Variants in TMEM63C observed in about 807,000 individuals in gnomAD.
TMEM63C encodes transmembrane protein 63C.
TMEM63C carries 32 observed loss-of-function variants against 99.2 expected under a neutral mutation model. The ratio of observed to expected loss-of-function variants is 0.32; its 90% CI spans 0.24 to 0.43. The LOEUF (loss-of-function observed/expected upper bound fraction) is 0.43, where lower values mean the gene tolerates loss of function less well. TMEM63C is among the 20% of genes least tolerant of loss of function. The probability of loss-of-function intolerance (pLI) is 1.00; values close to 1 mark genes in which losing one functional copy is unlikely to be tolerated. For missense variants in TMEM63C, 826 were observed against 1,053.0 expected, an observed-to-expected ratio of 0.78 and a Z score of 2.98; for synonymous variants, 376 against 397.9, an observed-to-expected ratio of 0.94 and a Z score of 0.66.
rs1170210360 is a variant in TMEM63C, at chr14:77,248,847, C to T, written c.1845C>T (p.Ile615=). Residue 615 remains isoleucine (I), a synonymous_variant, in exon 20 of 24, where the codon ATC becomes ATT. Coordinates refer to ENST00000298351, the MANE Select transcript of TMEM63C (RefSeq NM_020431.4). ...NVFSVVMAYS[I]TCPIIVPFGL... ...TCAGCGTGGTGATGGCGTACAGCAT[C>T]ACTTGCCCCATCATTGTGCCTTTTG... The T allele has an allele frequency of 1.7e-5, 28 of 1,613,924 alleles. No individual in the cohort carries two copies. Among genetic ancestry groups the T allele is most frequent in the African/African-American group, 2.7e-5 (2 of 74,934 alleles).
intron 1 of TMEM63C, among the ~76,000 whole-genome samples, chr14:77,205,681 C>T (rs1888384989): frequency 6.6e-6 from 1 of 152,172 alleles, no homozygotes; most frequent in Admixed American, 6.5e-5. Context: ...GGCAAGGGGC[C>T]TTCCATCGGC....
At chr14:77,238,807 T>C (rs757812071) in intron 10 of TMEM63C, 40 bp downstream of exon 10, 3 of 1,536,212 alleles carry the variant, frequency 2.0e-6, no homozygotes, top group South Asian at 1.1e-5. Context: ...GATTGCTTCC[T>C]CCCCATAACC....
chr14:77,225,328 C>A (rs1271453711), intron 5 of TMEM63C, 96 bp from the exon 6 acceptor site: 1 of 1,165,436 alleles, frequency 8.6e-7, no homozygotes, highest in African/African-American at 1.6e-5. Context: ...GACGCTGCCG[C>A]GGCTGCCTCA....
At chr14:77,209,497 A>G (rs1464120368) in intron 1 of TMEM63C, among the ~76,000 whole-genome samples, 2 of 152,218 alleles carry the variant, frequency 1.3e-5, no homozygotes, top group Non-Finnish European at 2.9e-5. Flanking sequence ...CATGAAAAGT[A>G]TAAGAGAAAG....
At chr14:77,217,154 A>C (rs1045874178) in intron 2 of TMEM63C, among the ~76,000 whole-genome samples, 2 of 151,606 alleles carry the variant, frequency 1.3e-5, no homozygotes, top group Non-Finnish European at 1.5e-5. Context: ...TCTTAAAAAA[A>C]AAAAGTCATT....
intron 11 of TMEM63C, 34 bp downstream of exon 11, chr14:77,239,526 G>T (rs755140206): frequency 6.2e-7 from 1 of 1,612,730 alleles, no homozygotes; most frequent in Non-Finnish European, 8.5e-7. Context: ...GGGGCCCGGG[G>T]TGGGGGTAAA....
intron 1 of TMEM63C, among the ~76,000 whole-genome samples, chr14:77,185,658 G>A (rs1323420284): frequency 6.6e-6 from 1 of 152,160 alleles, no homozygotes. Flanking sequence ...ACACTACAGA[G>A]GGCAATGGAA....
chr14:77,218,230 T>TA (rs67676073), intron 2 of TMEM63C, among the ~76,000 whole-genome samples: 19,844 of 135,542 alleles, frequency 0.15, 1,494 homozygotes, highest in South Asian at 0.22. Context: ...CCACAGAAGT[T>TA]AAAAAAAAAA....
chr14:77,201,305 G>T (rs562903808), intron 1 of TMEM63C, among the ~76,000 whole-genome samples: 19 of 152,318 alleles, frequency 1.2e-4, no homozygotes, highest in African/African-American at 4.1e-4. Flanking sequence ...CTTGTGTCTT[G>T]CCTGTAGGCA....
chr14:77,253,307 C>CGAG lies in TMEM63C; in HGVS notation c.2161_2163dup (p.Glu721dup). The CGAG allele has an allele frequency of 5.0e-6, 8 of 1,612,636 alleles. No homozygotes were observed. Among genetic ancestry groups the CGAG allele is most frequent in the East Asian group, 2.2e-5 (1 of 44,836 alleles). On this transcript the variant is annotated inframe_insertion, in exon 23 of 24. Coordinates refer to ENST00000298351, the MANE Select transcript of TMEM63C (RefSeq NM_020431.4). ...CCCACCACCTCTCCCTGCTGCAGCC[C>CGAG]GAGGAGGAGGAGATCCAGACAGTGT...
At chr14:77,198,930 CTG>C (rs935625908) in intron 1 of TMEM63C, among the ~76,000 whole-genome samples, 1 of 152,196 alleles carries the variant, frequency 6.6e-6, no homozygotes, top group African/African-American at 2.4e-5. Context: ...ATGAATGAAT[CTG>C]TTGAGATTCC....
At chr14:77,250,415 C>T (rs947801157) in intron 21 of TMEM63C, among the ~76,000 whole-genome samples, 2 of 151,360 alleles carry the variant, frequency 1.3e-5, no homozygotes, top group South Asian at 2.1e-4. Flanking sequence ...AGAAGGGAGA[C>T]GCGGTGTTTT....
chr14:77,197,383 C>T (rs879548725), intron 1 of TMEM63C, among the ~76,000 whole-genome samples: 25 of 152,206 alleles, frequency 1.6e-4, no homozygotes, highest in Admixed American at 1.2e-3. Context: ...TCCCAGGGCC[C>T]CAGCCCTACG....
chr14:77,215,646 C>T (rs1459115928), intron 2 of TMEM63C, among the ~76,000 whole-genome samples: 4 of 106,956 alleles, frequency 3.7e-5, no homozygotes, highest in African/African-American at 1.3e-4. Context: ...AAACTAGAAG[C>T]AGTAAGGACA....
chr14:77,237,997 A>G (rs1313537515), intron 9 of TMEM63C, among the ~76,000 whole-genome samples: 1 of 152,248 alleles, frequency 6.6e-6, no homozygotes, highest in Non-Finnish European at 1.5e-5. Context: ...CCTGCCAGGC[A>G]TGGAGGCTTG....
chr14:77,238,827 TC>T, intron 10 of TMEM63C, 60 bp downstream of exon 10: 1 of 1,374,456 alleles, frequency 7.3e-7, no homozygotes, highest in Non-Finnish European at 1.0e-6. Flanking sequence ...CCCGCCTGGG[TC>T]CTCAAGTGGG....
Position 77,231,637 on chromosome 14 carries a change from G to A in TMEM63C, c.400G>A (p.Val134Met), listed in dbSNP as rs1211375083. Residue 134 changes from valine (V) to methionine (M), a missense_variant, in exon 7 of 24, where the codon GTG becomes ATG. Coordinates refer to ENST00000298351, the MANE Select transcript of TMEM63C (RefSeq NM_020431.4). ...KCGDDARIYI[V>M]FQYHLIIFVL... is the part of the protein sequence containing the mutation. ...TGGGGACGACGCGCGCATCTACATC[G>A]TGTTCCAGTACCACCTCATCATCTT... The A allele has an allele frequency of 3.9e-6, 6 of 1,551,562 alleles. No homozygotes were observed. The highest frequency in any genetic ancestry group is 2.4e-5 in the East Asian group (1 of 40,922).
At position 77,219,448 on chromosome 14, in the gene TMEM63C, G is replaced by C. The variant is rs74061146; in HGVS notation, c.151-50G>C. 3.3e-3 allele frequency: 5,288 copies of C among 1,600,164 alleles called. 144 individuals carry two copies. The African/African-American group carries it at 0.064, about 19-fold the overall frequency. ...GGGAATGCAGGGGGCCAGCCAAGGG[G>C]AAGGGATCCATGAAGTCTCCCACCC... is the stretch of plus-strand genomic sequence containing the variant. On this transcript the variant is annotated intron_variant, in intron 3 of 23. Transcript: ENST00000298351.
Position 77,216,864 on chromosome 14 carries a change from C to A in TMEM63C, c.-13-1937C>A, listed in dbSNP as rs141653179. The stretch of plus-strand genomic sequence containing the variant: ...CACTTGTTCACCCCTCCTGCTCCCC[C>A]ACCTAGTCTCCATATGAGGATCAAA... On this transcript the variant is annotated intron_variant, in intron 2 of 23. Coordinates refer to ENST00000298351, the MANE Select transcript of TMEM63C (RefSeq NM_020431.4). 1.8e-3 allele frequency among the ~76,000 whole-genome samples: 275 copies of A among 152,282 alleles called. 1 individual carries two copies. The highest frequency in any genetic ancestry group is 6.3e-3 in the African/African-American group (263 of 41,554).
Sources: allele counts gnomAD v4.1 joint callset (sites outside exome capture counted in the v4.1 genomes callset), GRCh38; gene constraint gnomAD v4.1.1; transcripts MANE v1.5; gene names NCBI Gene and HGNC (gene_info 2026-07-23, HGNC 2026-07-21).